SH3BP4: variants seen among roughly 807,000 people sequenced by gnomAD.
The protein encoded by SH3BP4 is SH3 domain binding protein 4, also known as SH3 domain-binding protein 4.
A neutral mutation model predicts 65.5 loss-of-function variants in SH3BP4; 33 were observed. That is an observed-to-expected ratio of 0.50 (90% CI 0.38 to 0.67). SH3BP4 has a LOEUF of 0.67. Ranked by LOEUF, SH3BP4 falls within the 30% of genes least tolerant of loss-of-function variation. The pLI, the probability that SH3BP4 is intolerant of heterozygous loss-of-function variation, is 0.00. For missense variants in SH3BP4, 1,134 were observed against 1,261.4 expected (o/e 0.90, Z 1.53); for synonymous variants, 552 against 545.5 (o/e 1.01, Z -0.17).
Position 235,053,893 on chromosome 2 carries a change from T to C in SH3BP4, c.*77T>C. On this transcript the variant is annotated 3_prime_UTR_variant, in exon 6 of 6. Transcript: ENST00000392011. ...GCGTGCCCTGCTGTCACCGCGGAGC[T>C]GAAGAGGGAGGAAGGGGCGGCTGCT... 1 of 1,211,580 alleles carries C rather than the reference T, an allele frequency of 8.3e-7. No individual in the cohort carries two copies. Among genetic ancestry groups the C allele is most frequent in the Non-Finnish European group, 1.2e-6 (1 of 825,994 alleles). 75.1% of individuals were successfully genotyped at this position (1,211,580 alleles called of 1,614,324 possible).
chr2:235,007,076 T>A (rs1462202421), intron 2 of SH3BP4, among the ~76,000 whole-genome samples: 2 of 151,610 alleles, frequency 1.3e-5, no homozygotes, highest in East Asian at 3.9e-4. Flanking sequence ...AGAATGGAAA[T>A]GAATTCCATT....
chr2:234,988,064 AT>A (rs1312162671), intron 1 of SH3BP4, among the ~76,000 whole-genome samples: 1 of 150,686 alleles, frequency 6.6e-6, no homozygotes, highest in African/African-American at 2.4e-5. Flanking sequence ...TGCCAGCCAC[AT>A]TTTTTTTTCT....
intron 1 of SH3BP4, among the ~76,000 whole-genome samples, chr2:234,959,284 G>A (rs1256070139): frequency 6.6e-6 from 1 of 152,144 alleles, no homozygotes; most frequent in African/African-American, 2.4e-5. Flanking sequence ...TAGGCAGGGC[G>A]CTGCTTGGGG....
Position 235,042,902 on chromosome 2 carries a change from G to A in SH3BP4, c.2133G>A (p.Val711=). 1.2e-6 allele frequency: 2 copies of A among 1,613,398 alleles called. No individual in the cohort carries two copies. Among genetic ancestry groups the A allele is most frequent in the Non-Finnish European group, 1.7e-6 (2 of 1,179,948 alleles). ...EWYIGYYQGR[V]GLVHTKNVLV... ...ACATCGGCTACTACCAGGGCAGGGT[G>A]GGCCTCGTGCACACCAAGAACGTGC... The change falls in exon 4 of 6, where the codon GTG becomes GTA. Residue 711 remains valine, a synonymous_variant. Transcript: ENST00000392011. This position sits in a 1 kb window ranked among gnomAD's most constrained non-coding sequence, Gnocchi z 7.3.
chr2:234,998,123 C>CA (rs1050726446), intron 2 of SH3BP4, among the ~76,000 whole-genome samples: 22 of 149,312 alleles, frequency 1.5e-4, no homozygotes, highest in Admixed American at 4.7e-4. Flanking sequence ...ACTCCATCTC[C>CA]AAAAAAAAAT....
chr2:235,017,629 C>T (rs1014981412), intron 2 of SH3BP4, among the ~76,000 whole-genome samples: 16 of 152,028 alleles, frequency 1.1e-4, no homozygotes, highest in African/African-American at 2.9e-4. Flanking sequence ...GTTGCTTTAT[C>T]GACATGAGTG....
chr2:234,998,834 G>T lies in SH3BP4; in HGVS notation c.-133+3458G>T, dbSNP rs532907038. ...GATCCTGGCTTTCATACATCCTTGG[G>T]ACAGAGAAACTAAGGCCAGCGTCCT... On this transcript the variant is annotated intron_variant, in intron 2 of 5. Coordinates refer to ENST00000392011, the MANE Select transcript of SH3BP4 (RefSeq NM_014521.3). Among the ~76,000 whole-genome samples the T allele has an allele frequency of 8.5e-5, 13 of 152,296 alleles. No homozygotes were observed. The South Asian group carries it at 2.7e-3, about 32-fold the overall frequency.
chr2:235,010,497 G>A (rs1375267510), intron 2 of SH3BP4, among the ~76,000 whole-genome samples: 3 of 152,196 alleles, frequency 2.0e-5, no homozygotes, highest in Non-Finnish European at 4.4e-5. Flanking sequence ...TGTCTCATAG[G>A]GCACTTGTGA....
intron 2 of SH3BP4, among the ~76,000 whole-genome samples, chr2:235,004,422 A>G (rs1318826361): frequency 2.0e-5 from 3 of 152,168 alleles, no homozygotes; most frequent in Non-Finnish European, 4.4e-5. Flanking sequence ...AAATGTCACA[A>G]TTCTGTGCTG....
intron 3 of SH3BP4, among the ~76,000 whole-genome samples, chr2:235,039,960 C>T (rs991288327): frequency 1.3e-5 from 2 of 152,174 alleles, no homozygotes; most frequent in Non-Finnish European, 2.9e-5. Context: ...TTGGGCCAGG[C>T]GCAGTGGCTC....
rs188092218 is a variant in SH3BP4, at chr2:235,036,531, G to A, written c.118+1411G>A. Among the ~76,000 whole-genome samples, 214 of 152,008 alleles carry A rather than the reference G, an allele frequency of 1.4e-3. 2 individuals are homozygous for A. The highest frequency in any genetic ancestry group is 2.4e-3 in the Non-Finnish European group (160 of 67,990). ...AGCACTTTAGGAGGCCGAGGCAGGC[G>A]GATCACGAGGTCAGGAGTTCGAGAC... On this transcript the variant is annotated intron_variant, in intron 3 of 5. Transcript: ENST00000392011.
chr2:235,053,689 A>G lies in SH3BP4; in HGVS notation c.2765A>G (p.Asp922Gly), dbSNP rs757600810. ...ATCCAGGAGCTGCACCTGGGCCTGG[A>G]CAAGATGAAAAACCCCATCACCAAG... is the stretch of plus-strand genomic sequence containing the variant. ...DVIQELHLGL[D>G]KMKNPITKRW... The change falls in exon 6 of 6, where the codon GAC (aspartate) becomes GGC (glycine). Residue 922 changes from aspartate to glycine, a missense_variant. Asp to Gly is a moderately conservative substitution (Grantham distance 94). Coordinates refer to ENST00000392011, the MANE Select transcript of SH3BP4 (RefSeq NM_014521.3). The G allele has an allele frequency of 1.9e-6, 3 of 1,614,188 alleles. No individual in the cohort carries two copies. The highest frequency in any genetic ancestry group is 2.5e-6 in the Non-Finnish European group (3 of 1,180,024).
chr2:234,990,464 G>A (rs1170133920), intron 1 of SH3BP4, among the ~76,000 whole-genome samples: 1 of 152,238 alleles, frequency 6.6e-6, no homozygotes, highest in Non-Finnish European at 1.5e-5. Context: ...ATAACTAAGT[G>A]GGTTGGACTT....
At chr2:234,993,097 G>A (rs936135083) in intron 1 of SH3BP4, among the ~76,000 whole-genome samples, 8 of 152,362 alleles carry the variant, frequency 5.3e-5, no homozygotes, top group Non-Finnish European at 7.3e-5. Flanking sequence ...TCTGGGGAGC[G>A]CCCGGTGGGG....
intron 2 of SH3BP4, among the ~76,000 whole-genome samples, chr2:235,011,344 G>T (rs1028757010): frequency 7.2e-5 from 11 of 152,170 alleles, no homozygotes; most frequent in Non-Finnish European, 1.3e-4. Flanking sequence ...TCTTCTGTCT[G>T]TGTCTCTGTA....
chr2:235,001,898 T>C lies in SH3BP4; in HGVS notation c.-133+6522T>C, dbSNP rs376357115. Among the ~76,000 whole-genome samples, 43 of 152,366 alleles carry C rather than the reference T, an allele frequency of 2.8e-4. No individual in the cohort carries two copies. In the East Asian group the frequency reaches 8.3e-3, roughly 29 times the overall value. On this transcript the variant is annotated intron_variant, in intron 2 of 5. Coordinates refer to ENST00000392011, the MANE Select transcript of SH3BP4 (RefSeq NM_014521.3). ...TTTTTTGACATGGAGTCTTACTCTGTTGTCCAGGCTGGAGTGCGGTGGCGC... is the reference window on the plus strand; with the variant it reads ...TTTTTTGACATGGAGTCTTACTCTGCTGTCCAGGCTGGAGTGCGGTGGCGC...
chr2:234,996,766 CA>C (rs1693931199), intron 2 of SH3BP4, among the ~76,000 whole-genome samples: 2 of 152,290 alleles, frequency 1.3e-5, no homozygotes, highest in Non-Finnish European at 2.9e-5. Flanking sequence ...GGAGAGACAC[CA>C]GGGGGTTGTG....
At position 235,041,349 on chromosome 2, in the gene SH3BP4, C is replaced by G. The variant is rs761068117; in HGVS notation, c.580C>G (p.Leu194Val). ...TCCCAAAAGTACTGTGGATTTGCTC[C>G]TTTTTGACGCAGGTACATCCTCCTT... The part of the protein sequence containing the change: ...LNPKSTVDLL[L>V]FDAGTSSFTE... Residue 194 changes from leucine to valine, a missense_variant, in exon 4 of 6, where the codon CTT (leucine) becomes GTT (valine). By Grantham distance (32) the Leu-to-Val change is conservative. Coordinates refer to ENST00000392011, the MANE Select transcript of SH3BP4 (RefSeq NM_014521.3). The surrounding 1 kb of genome is among the most constrained non-coding windows in gnomAD (Gnocchi z 6.0). 6.2e-7 allele frequency: 1 copy of G among 1,614,140 alleles called. No individual in the cohort carries two copies. Among genetic ancestry groups the G allele is most frequent in the Admixed American group, 1.7e-5 (1 of 60,024 alleles).
chr2:235,002,732 A>G (rs1406255060), intron 2 of SH3BP4, among the ~76,000 whole-genome samples: 1 of 152,244 alleles, frequency 6.6e-6, no homozygotes. Context: ...TCTCAAAAAC[A>G]AAACAAGTAA....
Sources: gnomAD v4.1 joint callset for allele counts (sites outside exome capture counted in the v4.1 genomes callset) on GRCh38, gnomAD v4.1.1 for gene constraint, Gnocchi (gnomAD v3.1) non-coding constraint, MANE v1.5 for transcripts, NCBI Gene and HGNC (gene_info 2026-07-23, HGNC 2026-07-21) for gene names.